The following TMEM178B variants were observed in gnomAD, a reference collection of about 807,000 sequenced individuals.
TMEM178B encodes the protein transmembrane protein 178B.
A neutral mutation model predicts 31.0 loss-of-function variants in TMEM178B; 5 were observed. That is an observed-to-expected ratio of 0.16 (90% confidence interval 0.08 to 0.34). The LOEUF (loss-of-function observed/expected upper bound fraction) is 0.34, where lower values mean the gene tolerates loss of function less well. Among genes scored for constraint, TMEM178B ranks in the 10% least tolerant of loss-of-function variants. The pLI is 1.00. For missense variants in TMEM178B, 275 were observed against 400.3 expected, an observed-to-expected ratio of 0.69 and a Z score of 2.67; for synonymous variants, 164 against 164.0, an observed-to-expected ratio of 1.00 and a Z score of 0.00.
chr7:141,465,012 C>T (rs772132968), intron 3 of TMEM178B, among the ~76,000 whole-genome samples: 34 of 152,152 alleles, frequency 2.2e-4, no homozygotes, highest in African/African-American at 6.3e-4. Context: ...TCATAGTGGG[C>T]GTTACTAAGA....
intron 2 of TMEM178B, among the ~76,000 whole-genome samples, chr7:141,257,707 A>G (rs1797950241): frequency 6.6e-6 from 1 of 152,158 alleles, no homozygotes; most frequent in South Asian, 2.1e-4. Flanking sequence ...AAGAAGCTCT[A>G]CGGCATATAG....
intron 2 of TMEM178B, among the ~76,000 whole-genome samples, chr7:141,376,752 G>T (rs1000297285): frequency 6.6e-6 from 1 of 152,174 alleles, no homozygotes; most frequent in African/African-American, 2.4e-5. Context: ...GAGACATTCT[G>T]CAGGACTACT....
chr7:141,147,038 T>G (rs187420343), intron 1 of TMEM178B, among the ~76,000 whole-genome samples: 1 of 152,302 alleles, frequency 6.6e-6, no homozygotes, highest in Admixed American at 6.5e-5. Context: ...GGTTGTGTCT[T>G]TAGTAATGAG....
intron 2 of TMEM178B, among the ~76,000 whole-genome samples, chr7:141,367,862 G>A (rs916451447): frequency 6.6e-6 from 1 of 152,022 alleles, no homozygotes; most frequent in Non-Finnish European, 1.5e-5. Flanking sequence ...CCAAGCAGAG[G>A]AAAGCACGAA....
chr7:141,469,968 G>A lies in TMEM178B; in HGVS notation c.635-568G>A, dbSNP rs1392846909. Among the ~76,000 whole-genome samples the A allele has an allele frequency of 2.6e-5, 4 of 152,216 alleles. No individual in the cohort carries two copies. The East Asian group carries it at 7.7e-4, about 29-fold the overall frequency. On this transcript the variant is annotated intron_variant, in intron 3 of 3. Transcript: ENST00000565468. ...CTCCCACTTTGTAAAGGATCTCATAGCGTTAGCACTCCAGAGAGAACACTT... is the reference window on the plus strand; with the variant it reads ...CTCCCACTTTGTAAAGGATCTCATAACGTTAGCACTCCAGAGAGAACACTT...
rs1324131635 is a variant in TMEM178B, at chr7:141,477,796, G to A, written c.*7010G>A. The stretch of plus-strand genomic sequence containing the variant: ...ACTGCATGGAGGTAAATTAGGAGAT[G>A]TTTTCTCTCTGCTACTCCTGGCCTC... On this transcript the variant is annotated 3_prime_UTR_variant, in exon 4 of 4. Coordinates refer to ENST00000565468, the MANE Select transcript of TMEM178B (RefSeq NM_001195278.2). The A allele has an allele frequency of 3.9e-5, 6 of 152,232 alleles. No individual in the cohort carries two copies. Among genetic ancestry groups the A allele is most frequent in the East Asian group, 1.9e-4 (1 of 5,198 alleles). The allele number at this position is 152,232 out of a possible 1,614,324, so 9.4% of individuals were successfully genotyped here.
intron 2 of TMEM178B, among the ~76,000 whole-genome samples, chr7:141,245,334 G>T (rs1797711678): frequency 6.6e-6 from 1 of 151,930 alleles, no homozygotes; most frequent in Non-Finnish European, 1.5e-5. Flanking sequence ...ACTGTGGAAA[G>T]GCCAGAAGCA....
chr7:141,194,327 A>G (rs1368858016), intron 1 of TMEM178B, among the ~76,000 whole-genome samples: 3 of 152,230 alleles, frequency 2.0e-5, no homozygotes, highest in African/African-American at 7.2e-5. Context: ...AAAGCAAGCT[A>G]GTTACTTCCT....
intron 2 of TMEM178B, among the ~76,000 whole-genome samples, chr7:141,290,563 A>T (rs1463072095): frequency 2.0e-5 from 3 of 152,156 alleles, no homozygotes; most frequent in Non-Finnish European, 4.4e-5. Flanking sequence ...GTGCATGCAC[A>T]CACGCACACA....
intron 2 of TMEM178B, among the ~76,000 whole-genome samples, chr7:141,334,954 G>GT (rs1799358257): frequency 6.6e-6 from 1 of 152,230 alleles, no homozygotes; most frequent in Non-Finnish European, 1.5e-5. Context: ...CCTAGGAGAA[G>GT]TGGGGAGAAA....
chr7:141,130,757 T>C (rs944532575), intron 1 of TMEM178B, among the ~76,000 whole-genome samples: 4 of 152,186 alleles, frequency 2.6e-5, no homozygotes, highest in African/African-American at 7.2e-5. Flanking sequence ...GCTTACTATA[T>C]TCCAGGAATT....
rs1468759053 is a variant in TMEM178B, at chr7:141,476,314, C to T, written c.*5528C>T. The T allele has an allele frequency of 6.6e-6, 1 of 152,156 alleles. No individual in the cohort carries two copies. Among genetic ancestry groups the T allele is most frequent in the Non-Finnish European group, 1.5e-5 (1 of 68,028 alleles). The allele number at this position is 152,156 out of a possible 1,614,324, so 9.4% of individuals were successfully genotyped here. ...TTCCTTTTGTCTAGAGCCAGTTTTGCAAAGGGCACTTTTATCCATCTCAGT... is the reference window on the plus strand; with the variant it reads ...TTCCTTTTGTCTAGAGCCAGTTTTGTAAAGGGCACTTTTATCCATCTCAGT... On this transcript the variant is annotated 3_prime_UTR_variant, in exon 4 of 4. Transcript: ENST00000565468.
intron 2 of TMEM178B, among the ~76,000 whole-genome samples, chr7:141,215,889 T>C (rs1300444190): frequency 2.5e-5 from 3 of 118,062 alleles, no homozygotes; most frequent in Non-Finnish European, 5.4e-5. Flanking sequence ...CCTTCCTTCC[T>C]TTCCTTCTTT....
intron 2 of TMEM178B, among the ~76,000 whole-genome samples, chr7:141,424,489 A>G (rs1012500935): frequency 2.6e-5 from 4 of 152,240 alleles, no homozygotes; most frequent in Admixed American, 1.3e-4. Flanking sequence ...ATGAGACGCA[A>G]TCGGTGGCCA....
chr7:141,140,782 C>T (rs1178678285), intron 1 of TMEM178B, among the ~76,000 whole-genome samples: 1 of 152,148 alleles, frequency 6.6e-6, no homozygotes, highest in African/African-American at 2.4e-5. Context: ...ATGTTTTTCT[C>T]ATAATTAGAC....
At chr7:141,442,841 A>G (rs577735623) in intron 3 of TMEM178B, among the ~76,000 whole-genome samples, 1 of 152,350 alleles carries the variant, frequency 6.6e-6, no homozygotes, top group African/African-American at 2.4e-5. Flanking sequence ...TTAGGAGCTT[A>G]AAACAACAAA....
chr7:141,255,579 A>G (rs1466634208), intron 2 of TMEM178B, among the ~76,000 whole-genome samples: 2 of 152,250 alleles, frequency 1.3e-5, no homozygotes, highest in African/African-American at 4.8e-5. Flanking sequence ...AAGTATAAGG[A>G]CAATCTCAAA....
chr7:141,502,979 A>G, the TMEM178B span, among the ~76,000 whole-genome samples: 2 of 152,152 alleles, frequency 1.3e-5, no homozygotes, highest in South Asian at 4.1e-4. Context: ...CTGCTTTGAC[A>G]TAAGTGGGTC....
chr7:141,489,878 C>G, the TMEM178B span, among the ~76,000 whole-genome samples: 1 of 152,198 alleles, frequency 6.6e-6, no homozygotes, highest in Non-Finnish European at 1.5e-5. Context: ...GGACAATATT[C>G]ACAGTGGCCC....
Sources: gnomAD v4.1 joint callset for allele counts (sites outside exome capture counted in the v4.1 genomes callset) on GRCh38, gnomAD v4.1.1 for gene constraint, MANE v1.5 for transcripts, NCBI Gene and HGNC (gene_info 2026-07-23, HGNC 2026-07-21) for gene names.